Variants in DDAH1 observed in about 807,000 individuals in gnomAD.
DDAH1 encodes N(G),N(G)-dimethylarginine dimethylaminohydrolase 1.
In DDAH1, 19 loss-of-function variants were observed where a neutral mutation model predicts 28.8. That is an observed-to-expected ratio of 0.66 (90% CI 0.46 to 0.97). The LOEUF (loss-of-function observed/expected upper bound fraction) is 0.97. DDAH1 is among the 50% of genes least tolerant of loss of function. The pLI, the probability that DDAH1 is intolerant of heterozygous loss-of-function variation, is 0.00. For synonymous variants in DDAH1, 153 were observed against 154.4 expected (o/e 0.99, Z 0.07); for missense variants, 326 against 375.9 (o/e 0.87, Z 1.10).
intron 2 of DDAH1, among the ~76,000 whole-genome samples, chr1:85,481,098 G>GTT (rs71075839): frequency 0.25 from 28,733 of 113,004 alleles, 4,007 homozygotes; most frequent in East Asian, 0.44. Flanking sequence ...TGGGTTTTTT[G>GTT]TTTTTTTTTT....
chr1:85,547,789 G>A (rs1225209730), intron 1 of DDAH1, among the ~76,000 whole-genome samples: 1 of 152,144 alleles, frequency 6.6e-6, no homozygotes, highest in Non-Finnish European at 1.5e-5. Context: ...TGGCCATCCA[G>A]GTCTGCAGAA....
At chr1:85,397,223 C>T (rs1374187074) in intron 1 of DDAH1, among the ~76,000 whole-genome samples, 2 of 152,086 alleles carry the variant, frequency 1.3e-5, no homozygotes, top group African/African-American at 2.4e-5. Context: ...CAGTTAATTG[C>T]TTTATTCTGA....
intron 1 of DDAH1, among the ~76,000 whole-genome samples, chr1:85,522,425 G>C (rs1265521335): frequency 1.7e-4 from 22 of 128,034 alleles, no homozygotes; most frequent in Non-Finnish European, 3.1e-4. Context: ...TTAAACTACA[G>C]AAATAAGAAA....
rs143189668 is a variant in DDAH1, at chr1:85,349,755, C to T, written c.597+660G>A. ...CTTATTGGGTGTCCAGATCATCTCA[C>T]GGGGTTGAAGTTACAGAGAAGGAAA... On this transcript the variant is annotated intron_variant, in intron 4 of 5. Transcript: ENST00000284031. 7.0e-3 allele frequency among the ~76,000 whole-genome samples: 1,059 copies of T among 152,206 alleles called. 14 individuals carry two copies. Among genetic ancestry groups the T allele is most frequent in the African/African-American group, 0.024 (985 of 41,508 alleles).
intron 2 of DDAH1, among the ~76,000 whole-genome samples, chr1:85,489,233 G>A (rs946085032): frequency 2.6e-5 from 4 of 152,318 alleles, no homozygotes; most frequent in South Asian, 2.1e-4. Flanking sequence ...CACAAAATAC[G>A]TTTGGATAAC....
In DDAH1 at chr1:85,562,497, G is replaced by T. The variant is rs927346648; in HGVS notation, c.-123+15487C>A. ...GAGAATGTGGCCTTGTTTGGAAATA[G>T]GCTGTTTACAGATGTAACAAAGTTA... On this transcript the variant is annotated intron_variant, in intron 1 of 6. Transcript: ENST00000426972. Among the ~76,000 whole-genome samples, 4 of 152,276 alleles carry T rather than the reference G, an allele frequency of 2.6e-5. No homozygotes were observed. The South Asian group carries it at 8.3e-4, about 32-fold the overall frequency.
chr1:85,365,422 G>A lies in DDAH1; in HGVS notation c.304-6575C>T, dbSNP rs151202066. On this transcript the variant is annotated intron_variant, in intron 1 of 5. Coordinates refer to ENST00000284031, the MANE Select transcript of DDAH1 (RefSeq NM_012137.4). ...TAGAGGCTACAAATTGCAGCAGTCT[G>A]AACTTGCATTTGGTTTCTAAACAGT... is the stretch of plus-strand genomic sequence containing the variant. Among the ~76,000 whole-genome samples the A allele has an allele frequency of 7.2e-5, 11 of 152,304 alleles. No homozygotes were observed. In the East Asian group the frequency reaches 2.1e-3, roughly 29 times the overall value.
intron 1 of DDAH1, among the ~76,000 whole-genome samples, chr1:85,451,535 T>C (rs1160528136): frequency 3.9e-5 from 6 of 152,182 alleles, no homozygotes. Flanking sequence ...TAATAAGCAC[T>C]GGAACCACAA....
intron 1 of DDAH1, among the ~76,000 whole-genome samples, chr1:85,531,839 A>G (rs1272216840): frequency 7.5e-5 from 11 of 147,398 alleles, no homozygotes; most frequent in Non-Finnish European, 1.7e-4. Context: ...CTGGGGAAAC[A>G]GAGGCTGAAG....
intron 4 of DDAH1, among the ~76,000 whole-genome samples, chr1:85,344,905 C>T (rs1648746236): frequency 6.6e-6 from 1 of 152,072 alleles, no homozygotes; most frequent in African/African-American, 2.4e-5. Context: ...AAAAGACAGT[C>T]ATCATGTAGA....
chr1:85,375,057 G>T (rs997661188), intron 1 of DDAH1, among the ~76,000 whole-genome samples: 21 of 119,124 alleles, frequency 1.8e-4, no homozygotes, highest in South Asian at 3.2e-4. Context: ...TAAAATTTGA[G>T]GATAAAAAGC....
chr1:85,422,206 T>C (rs1375657184), intron 1 of DDAH1, among the ~76,000 whole-genome samples: 1 of 152,210 alleles, frequency 6.6e-6, no homozygotes, highest in East Asian at 1.9e-4. Context: ...CATATCTTCT[T>C]TGGTGAAGAG....
chr1:85,374,409 C>T (rs1373127056), intron 1 of DDAH1, among the ~76,000 whole-genome samples: 1 of 152,138 alleles, frequency 6.6e-6, no homozygotes, highest in Admixed American at 6.6e-5. Flanking sequence ...CTGTTAGTCA[C>T]CAGCTGCTAA....
intron 1 of DDAH1, among the ~76,000 whole-genome samples, chr1:85,545,403 C>T (rs999767524): frequency 2.6e-5 from 4 of 152,170 alleles, no homozygotes; most frequent in South Asian, 2.1e-4. Context: ...AAGCCCTTCT[C>T]GCTTTTTTAA....
intron 1 of DDAH1, among the ~76,000 whole-genome samples, chr1:85,413,178 T>C (rs1652737558): frequency 6.6e-6 from 1 of 152,238 alleles, no homozygotes; most frequent in Admixed American, 6.5e-5. Flanking sequence ...TTTAGTGCAC[T>C]TTAAACAACT....
chr1:85,509,733 G>T (rs982896990), intron 1 of DDAH1, among the ~76,000 whole-genome samples: 8 of 152,160 alleles, frequency 5.3e-5, no homozygotes, highest in Non-Finnish European at 1.0e-4. Flanking sequence ...GGAAGAAAGG[G>T]TATCAGTGGT....
intron 1 of DDAH1, among the ~76,000 whole-genome samples, chr1:85,554,276 G>GT (rs368410411): frequency 0.13 from 13,919 of 110,682 alleles, 1,016 homozygotes; most frequent in East Asian, 0.17. Context: ...AATTGTAAGA[G>GT]TTTTTTTTTT....
intron 4 of DDAH1, among the ~76,000 whole-genome samples, chr1:85,328,092 T>A (rs2100794841): frequency 6.6e-6 from 1 of 152,314 alleles, no homozygotes; most frequent in East Asian, 1.9e-4. Context: ...TTATTTTTAA[T>A]GTGAAAAAAC....
chr1:85,576,110 G>T (rs1284687769), intron 1 of DDAH1, among the ~76,000 whole-genome samples: 2 of 151,038 alleles, frequency 1.3e-5, no homozygotes, highest in African/African-American at 2.4e-5. Flanking sequence ...AAAGAAAATG[G>T]TGTTACCAAG....
Sources: gnomAD v4.1 joint callset for allele counts (sites outside exome capture counted in the v4.1 genomes callset) on GRCh38, gnomAD v4.1.1 for gene constraint, MANE v1.5 for transcripts, NCBI Gene and HGNC (gene_info 2026-07-23, HGNC 2026-07-21) for gene names.